VRK2: variants seen among roughly 807,000 people sequenced by gnomAD.
VRK2 encodes the protein serine/threonine-protein kinase VRK2.
In VRK2, 60 loss-of-function variants were observed where a neutral mutation model predicts 57.6. The ratio of observed to expected loss-of-function variants is 1.04; its 90% CI spans 0.85 to 1.29. The LOEUF (loss-of-function observed/expected upper bound fraction) is 1.29. VRK2 is among the 50% of genes most tolerant of loss of function. The pLI, the probability that VRK2 is intolerant of heterozygous loss-of-function variation, is 0.00. For missense variants in VRK2, 705 were observed against 588.1 expected, an observed-to-expected ratio of 1.20 and a Z score of -2.06; for synonymous variants, 231 against 199.2, an observed-to-expected ratio of 1.16 and a Z score of -1.35.
At chr2:58,106,818 A>G (rs1310622869) in intron 7 of VRK2, among the ~76,000 whole-genome samples, 2 of 152,116 alleles carry the variant, frequency 1.3e-5, no homozygotes, top group African/African-American at 4.8e-5. Context: ...CTATATCTTC[A>G]TGCTTATTCT....
At chr2:58,122,782 A>G (rs534796157) in intron 7 of VRK2, among the ~76,000 whole-genome samples, 2 of 152,334 alleles carry the variant, frequency 1.3e-5, no homozygotes, top group South Asian at 2.1e-4. Flanking sequence ...AACTGTGTGA[A>G]TACAGATAAA....
At chr2:58,043,464 C>T (rs538302010), upstream of VRK2, among the ~76,000 whole-genome samples, 1 of 152,262 alleles carries the variant, frequency 6.6e-6, no homozygotes, top group Admixed American at 6.5e-5. Flanking sequence ...TCAATCCCAG[C>T]TCTTCGATTT....
chr2:57,965,174 T>C (rs77534782), intron 1 of VRK2, among the ~76,000 whole-genome samples: 4,189 of 152,242 alleles, frequency 0.028, 97 homozygotes, highest in South Asian at 0.076. Context: ...CATCATACAA[T>C]GAAATAAACA....
intron 1 of VRK2, chr2:58,047,159 G>C (rs1230764840): frequency 3.3e-6 from 1 of 305,152 alleles, no homozygotes; most frequent in Admixed American, 6.5e-5. Context: ...TGCCGGTGCA[G>C]AGAGAACTTG....
intron 1 of VRK2, among the ~76,000 whole-genome samples, chr2:58,017,372 G>A (rs1673617641): frequency 6.6e-6 from 1 of 152,144 alleles, no homozygotes; most frequent in Admixed American, 6.5e-5. Flanking sequence ...TTAAATTTTG[G>A]AGAGGAGGCT....
chr2:58,084,019 T>A (rs906936507), intron 2 of VRK2, 70 bp from the exon 3 acceptor site: 2 of 1,532,656 alleles, frequency 1.3e-6, no homozygotes. Flanking sequence ...GCATAGTGTT[T>A]GGGATATGGT....
At chr2:58,085,030 C>T in intron 4 of VRK2, 80 bp downstream of exon 4, 2 of 1,313,090 alleles carry the variant, frequency 1.5e-6, no homozygotes, top group Non-Finnish European at 2.1e-6. Flanking sequence ...CTTTTTCTGG[C>T]CTTCTGGAAA....
At chr2:58,144,609 G>T (rs1278299419) in intron 11 of VRK2, among the ~76,000 whole-genome samples, 1 of 151,894 alleles carries the variant, frequency 6.6e-6, no homozygotes, top group East Asian at 1.9e-4. Flanking sequence ...GTTTTAATAG[G>T]ATAAAACAGT....
At chr2:58,023,487 G>GTA (rs781766764) in intron 1 of VRK2, among the ~76,000 whole-genome samples, 145 of 151,944 alleles carry the variant, frequency 9.5e-4, no homozygotes, top group Middle Eastern at 6.8e-3. Context: ...CCGTATATAT[G>GTA]TATATATATA....
chr2:58,044,944 T>C (rs1220163283), upstream of VRK2, among the ~76,000 whole-genome samples: 1 of 152,174 alleles, frequency 6.6e-6, no homozygotes, highest in East Asian at 1.9e-4. Context: ...CTGCTAAATA[T>C]CCTACAATGC....
At chr2:57,970,146 G>T (rs1242626879) in intron 1 of VRK2, among the ~76,000 whole-genome samples, 1 of 148,030 alleles carries the variant, frequency 6.8e-6, no homozygotes, top group Non-Finnish European at 1.5e-5. Context: ...TAATATTTAT[G>T]ATGTAAACAT....
At chr2:58,092,049 A>C (rs1672457101) in intron 7 of VRK2, among the ~76,000 whole-genome samples, 1 of 152,254 alleles carries the variant, frequency 6.6e-6, no homozygotes, top group African/African-American at 2.4e-5. Flanking sequence ...ATTTACAAAC[A>C]GTAAATGTCA....
Position 58,159,542 on chromosome 2 carries a change from C to T in VRK2, c.1376C>T (p.Thr459Met), listed in dbSNP as rs371409919. ...TATAAATACACTTCCACAGTCAGCA[C>T]GGGGATCACAGACTTAGAAAGTTCA... ...SWYKYTSTVS[T>M]GITDLESSTG... The change falls in exon 13 of 13, where the codon ACG (threonine) becomes ATG (methionine). Residue 459 changes from threonine to methionine, a missense_variant. Coordinates refer to ENST00000340157, the MANE Select transcript of VRK2 (RefSeq NM_006296.7). The T allele has an allele frequency of 1.3e-5, 21 of 1,613,630 alleles. No individual in the cohort carries two copies. The highest frequency in any genetic ancestry group is 6.7e-5 in the African/African-American group (5 of 74,884).
intron 12 of VRK2, among the ~76,000 whole-genome samples, chr2:58,153,407 G>GC (rs1331913924): frequency 6.6e-6 from 1 of 152,006 alleles, no homozygotes; most frequent in Non-Finnish European, 1.5e-5. Context: ...AATGTACTAA[G>GC]AGTTTTCATC....
intron 1 of VRK2, among the ~76,000 whole-genome samples, chr2:57,913,582 G>C (rs1267188083): frequency 6.6e-6 from 1 of 151,982 alleles, no homozygotes; most frequent in East Asian, 1.9e-4. Context: ...TTTAAATTTT[G>C]CTCTTATATG....
At chr2:58,133,867 T>C (rs1340600630) in intron 9 of VRK2, among the ~76,000 whole-genome samples, 1 of 152,242 alleles carries the variant, frequency 6.6e-6, no homozygotes, top group Non-Finnish European at 1.5e-5. Context: ...CGTGAATTTT[T>C]TATTGTTGTT....
At chr2:58,004,098 A>G (rs1673170918) in intron 1 of VRK2, among the ~76,000 whole-genome samples, 1 of 151,214 alleles carries the variant, frequency 6.6e-6, no homozygotes, top group African/African-American at 2.4e-5. Flanking sequence ...GTAAGAATCA[A>G]CTCTCTTCTT....
At chr2:58,013,694 C>G (rs1673482524) in intron 1 of VRK2, among the ~76,000 whole-genome samples, 1 of 151,186 alleles carries the variant, frequency 6.6e-6, no homozygotes, top group African/African-American at 2.4e-5. Context: ...CCCGTCTCTA[C>G]TAAAAATACA....
intron 1 of VRK2, among the ~76,000 whole-genome samples, chr2:57,942,618 T>C (rs369326412): frequency 2.0e-5 from 3 of 152,208 alleles, no homozygotes; most frequent in Non-Finnish European, 4.4e-5. Context: ...TTTAAATAAC[T>C]GTAAAATTGA....
Sources: gnomAD v4.1 joint callset for allele counts (sites outside exome capture counted in the v4.1 genomes callset) on GRCh38, gnomAD v4.1.1 for gene constraint, MANE v1.5 for transcripts, NCBI Gene and HGNC (gene_info 2026-07-23, HGNC 2026-07-21) for gene names.